KCTD8: variants seen among roughly 807,000 people sequenced by gnomAD.
The protein encoded by KCTD8 is BTB/POZ domain-containing protein KCTD8.
KCTD8 carries 27 observed loss-of-function variants against 31.5 expected under a neutral mutation model. The ratio of observed to expected loss-of-function variants is 0.86; its 90% confidence interval spans 0.63 to 1.18. KCTD8 has a LOEUF of 1.18. KCTD8 is among the 50% of genes most tolerant of loss of function. The pLI, the probability that KCTD8 is intolerant of heterozygous loss-of-function variation, is 0.00. For synonymous variants in KCTD8, 290 were observed against 280.0 expected (o/e 1.04, Z -0.36); for missense variants, 658 against 647.7 (o/e 1.02, Z -0.17).
In KCTD8 at chr4:44,434,702, T is replaced by C. The variant is rs116269703; in HGVS notation, c.961+12861A>G. ...GAAGAAATCATCAGTTTTAAAAGCC[T>C]ACCTAACATACCATCTTTCAATACT... On this transcript the variant is annotated intron_variant, in intron 1 of 1. Transcript: ENST00000360029. 5.2e-3 allele frequency among the ~76,000 whole-genome samples: 792 copies of C among 152,024 alleles called. 4 individuals carry two copies. The highest frequency in any genetic ancestry group is 0.018 in the African/African-American group (750 of 41,502).
intron 1 of KCTD8, among the ~76,000 whole-genome samples, chr4:44,391,388 C>T (rs796820227): frequency 1.5e-4 from 23 of 152,040 alleles, no homozygotes; most frequent in African/African-American, 5.3e-4. Context: ...CCTCCTCCAC[C>T]TCTTCCAACT....
Position 44,448,636 on chromosome 4 carries a change from C to T in KCTD8, c.-113G>A, listed in dbSNP as rs963439291. The T allele has an allele frequency of 1.7e-5, 20 of 1,150,380 alleles. No individual in the cohort carries two copies. In the African/African-American group the frequency reaches 2.6e-4, roughly 15 times the overall value. The allele number at this position is 1,150,380 out of a possible 1,614,324, so 71.3% of individuals were successfully genotyped here. On this transcript the variant is annotated 5_prime_UTR_variant, in exon 1 of 2. Coordinates refer to ENST00000360029, the MANE Select transcript of KCTD8 (RefSeq NM_198353.3). The surrounding 1 kb of genome is among the most constrained non-coding windows in gnomAD (Gnocchi z 4.1). Reference sequence around the variant, plus strand: ...CGCTCTGCGCCCTCGGACTGGGCGGCGCGTTCCTCCGACCGGGGCGGCCCC... The same window carrying T: ...CGCTCTGCGCCCTCGGACTGGGCGGTGCGTTCCTCCGACCGGGGCGGCCCC...
At chr4:44,271,141 G>A (rs905683205) in intron 1 of KCTD8, among the ~76,000 whole-genome samples, 1 of 152,074 alleles carries the variant, frequency 6.6e-6, no homozygotes, top group African/African-American at 2.4e-5. Flanking sequence ...ATAAATCAAT[G>A]TCATGTTTAC....
At chr4:44,289,627 A>T (rs1717209311) in intron 1 of KCTD8, among the ~76,000 whole-genome samples, 1 of 152,014 alleles carries the variant, frequency 6.6e-6, no homozygotes, top group Non-Finnish European at 1.5e-5. Context: ...CTTGCTGTGA[A>T]ATGTTGGGAT....
intron 1 of KCTD8, among the ~76,000 whole-genome samples, chr4:44,242,685 AT>A (rs768087017): frequency 6.3e-4 from 96 of 152,052 alleles, no homozygotes; most frequent in Non-Finnish European, 1.3e-3. Flanking sequence ...AGTATTGGAG[AT>A]GGGGCCTGGT....
At chr4:44,400,658 G>C (rs1055728921) in intron 1 of KCTD8, among the ~76,000 whole-genome samples, 1 of 151,072 alleles carries the variant, frequency 6.6e-6, no homozygotes, top group Admixed American at 6.6e-5. Flanking sequence ...GAACCTGGAA[G>C]GTGGAGGTTG....
chr4:44,369,345 A>G (rs1719723019), intron 1 of KCTD8, among the ~76,000 whole-genome samples: 1 of 152,138 alleles, frequency 6.6e-6, no homozygotes, highest in Admixed American at 6.5e-5. Flanking sequence ...TTCAATATAC[A>G]CTCCATTGTT....
chr4:44,342,500 A>G (rs1482501246), intron 1 of KCTD8, among the ~76,000 whole-genome samples: 3 of 152,214 alleles, frequency 2.0e-5, no homozygotes, highest in Non-Finnish European at 4.4e-5. Flanking sequence ...CTATTTATAG[A>G]GCACACGTCA....
At chr4:44,234,163 T>C (rs1410893165) in intron 1 of KCTD8, among the ~76,000 whole-genome samples, 1 of 152,116 alleles carries the variant, frequency 6.6e-6, no homozygotes, top group Non-Finnish European at 1.5e-5. Flanking sequence ...ATTTTACAAG[T>C]TAGGAAACTG....
intron 1 of KCTD8, among the ~76,000 whole-genome samples, chr4:44,193,086 C>G (rs1197068790): frequency 6.7e-6 from 1 of 150,054 alleles, no homozygotes. Flanking sequence ...AGAACCCTGA[C>G]TAATACACCA....
intron 1 of KCTD8, among the ~76,000 whole-genome samples, chr4:44,226,540 C>A (rs1300881852): frequency 6.6e-6 from 1 of 152,080 alleles, no homozygotes; most frequent in Non-Finnish European, 1.5e-5. Context: ...ATTTATAATC[C>A]TTTGGGTACA....
chr4:44,292,123 G>A (rs1426402401), intron 1 of KCTD8, among the ~76,000 whole-genome samples: 3 of 151,906 alleles, frequency 2.0e-5, no homozygotes, highest in Admixed American at 6.6e-5. Context: ...CCATTACTAG[G>A]TACATACCCA....
At chr4:44,219,602 T>G (rs931590816) in intron 1 of KCTD8, among the ~76,000 whole-genome samples, 4 of 152,182 alleles carry the variant, frequency 2.6e-5, no homozygotes, top group Admixed American at 2.6e-4. Flanking sequence ...AGGATGAAGC[T>G]AGGGATGATT....
intron 1 of KCTD8, among the ~76,000 whole-genome samples, chr4:44,377,005 A>T (rs1344092071): frequency 1.3e-5 from 2 of 152,238 alleles, no homozygotes; most frequent in Admixed American, 1.3e-4. Context: ...TGCAGGACTC[A>T]GTAAAAACAT....
At chr4:44,405,817 CAAAAAAAAA>C (rs903559298) in intron 1 of KCTD8, among the ~76,000 whole-genome samples, 4 of 32,230 alleles carry the variant, frequency 1.2e-4, no homozygotes, top group African/African-American at 1.3e-4. Flanking sequence ...TCCTGTTTCT[CAAAAAAAAA>C]AAAAAAAAAA....
intron 1 of KCTD8, among the ~76,000 whole-genome samples, chr4:44,244,802 T>C (rs1715603310): frequency 6.9e-6 from 1 of 145,328 alleles, no homozygotes; most frequent in Non-Finnish European, 1.5e-5. Context: ...CCAGCATCAA[T>C]TCATACCCTT....
In KCTD8 at chr4:44,184,752, G is replaced by A. The variant is rs532417419; in HGVS notation, c.962-9502C>T. ...TTACATCACTCACTTGGAAGTTAGC[G>A]TTTACCATCTTTCAGGTTAGTAAAT... On this transcript the variant is annotated intron_variant, in intron 1 of 1. Coordinates refer to ENST00000360029, the MANE Select transcript of KCTD8 (RefSeq NM_198353.3). 5.9e-4 allele frequency among the ~76,000 whole-genome samples: 90 copies of A among 152,248 alleles called. 1 individual carries two copies. Among genetic ancestry groups the A allele is most frequent in the African/African-American group, 1.9e-3 (78 of 41,546 alleles).
intron 1 of KCTD8, among the ~76,000 whole-genome samples, chr4:44,445,850 G>A (rs746669713): frequency 2.0e-5 from 3 of 152,098 alleles, no homozygotes; most frequent in Non-Finnish European, 2.9e-5. Flanking sequence ...AAAAGTTGTT[G>A]ACAAAGGTCA....
At chr4:44,378,210 G>A (rs1273619348) in intron 1 of KCTD8, among the ~76,000 whole-genome samples, 2 of 141,926 alleles carry the variant, frequency 1.4e-5, no homozygotes, top group Non-Finnish European at 3.0e-5. Flanking sequence ...ACATATATAT[G>A]TATGTATATT....
Sources: gnomAD v4.1 joint callset for allele counts (sites outside exome capture counted in the v4.1 genomes callset) on GRCh38, gnomAD v4.1.1 for gene constraint, Gnocchi (gnomAD v3.1) non-coding constraint, MANE v1.5 for transcripts, NCBI Gene and HGNC (gene_info 2026-07-23, HGNC 2026-07-21) for gene names.